Variants in PLPP3 observed in about 807,000 individuals in gnomAD.
PLPP3 encodes the protein PAP2 beta.
PLPP3 carries 6 observed loss-of-function variants against 29.6 expected under a neutral mutation model. The ratio of observed to expected loss-of-function variants is 0.20; its 90% CI spans 0.11 to 0.40. The LOEUF (loss-of-function observed/expected upper bound fraction) is 0.40. Ranked by LOEUF, PLPP3 falls within the 10% of genes least tolerant of loss-of-function variation. The pLI is 1.00. For missense variants in PLPP3, 308 were observed against 407.7 expected, an observed-to-expected ratio of 0.76 and a Z score of 2.11; for synonymous variants, 152 against 159.7, an observed-to-expected ratio of 0.95 and a Z score of 0.36.
In PLPP3 at chr1:56,524,375, C is replaced by G; in HGVS notation, c.477G>C (p.Leu159Phe). Residue 159 changes from leucine (L) to phenylalanine (F), a missense_variant, in exon 3 of 6, where the codon TTG becomes TTC. By Grantham distance (22) the Leu-to-Phe change is conservative. Coordinates refer to ENST00000371250, the MANE Select transcript of PLPP3 (RefSeq NM_003713.5). This position sits in a 1 kb window ranked among gnomAD's most constrained non-coding sequence, Gnocchi z 4.3. ...GGCTGAAATCAGGGTTGCAGACACTCAAGAAGTGAGGACGCAGGCGCCCTA... is the reference window on the plus strand; with the variant it reads ...GGCTGAAATCAGGGTTGCAGACACTGAAGAAGTGAGGACGCAGGCGCCCTA... ...VSIGRLRPHF[L>F]SVCNPDFSQI... 1.2e-6 allele frequency: 2 copies of G among 1,614,082 alleles called. No homozygotes were observed. The highest frequency in any genetic ancestry group is 1.7e-6 in the Non-Finnish European group (2 of 1,179,962).
rs556363853 is a variant in PLPP3, at chr1:56,567,460, C to T, written c.139+11418G>A. On this transcript the variant is annotated intron_variant, in intron 1 of 5. Coordinates refer to ENST00000371250, the MANE Select transcript of PLPP3 (RefSeq NM_003713.5). Reference sequence around the variant, plus strand: ...TCACCCAGGCTGGAGTGCAGTGGCGCGATCTCGGCTCACTGCAAGCTCTGC... The same window carrying T: ...TCACCCAGGCTGGAGTGCAGTGGCGTGATCTCGGCTCACTGCAAGCTCTGC... Among the ~76,000 whole-genome samples, 40 of 141,726 alleles carry T rather than the reference C, an allele frequency of 2.8e-4. 1 individual carries two copies. The highest frequency in any genetic ancestry group is 9.3e-4 in the African/African-American group (35 of 37,766). 93.0% of individuals were successfully genotyped at this position (141,726 alleles called of 152,430 possible).
At chr1:56,509,640 G>A (rs150102655) in intron 5 of PLPP3, among the ~76,000 whole-genome samples, 1,803 of 152,106 alleles carry the variant, frequency 0.012, 23 homozygotes, top group Non-Finnish European at 0.016. Context: ...AGGAGTTCAA[G>A]ACCAGCCTGG....
At chr1:56,514,346 CAGAGGCCTTCCACAGAAGTTCCCCAAAA>C (rs1645766980) in intron 4 of PLPP3, among the ~76,000 whole-genome samples, 1 of 151,990 alleles carries the variant, frequency 6.6e-6, no homozygotes, top group Non-Finnish European at 1.5e-5. Flanking sequence ...AGGGGTGGCT[CAGAGGCCTTCCACAGAAGTTCCCCAAAA>C]CTTCAAATAG....
intron 4 of PLPP3, among the ~76,000 whole-genome samples, chr1:56,518,263 C>T (rs554697615): frequency 6.6e-6 from 1 of 152,252 alleles, no homozygotes; most frequent in South Asian, 2.1e-4. Flanking sequence ...GTGGGCATAC[C>T]AGACCCTAGG....
chr1:56,525,932 A>C (rs1645849998), intron 2 of PLPP3, among the ~76,000 whole-genome samples: 1 of 152,180 alleles, frequency 6.6e-6, no homozygotes, highest in Non-Finnish European at 1.5e-5. Context: ...GAGGACGACC[A>C]CGTAGGAAGG....
At chr1:56,512,423 C>A (rs1372886528) in intron 4 of PLPP3, 8 of 326,838 alleles carry the variant, frequency 2.4e-5, no homozygotes, top group African/African-American at 1.5e-4. Context: ...ACCAGTCTGG[C>A]CAACATAGTG....
At chr1:56,552,130 A>G (rs1000441717) in intron 1 of PLPP3, among the ~76,000 whole-genome samples, 4 of 151,872 alleles carry the variant, frequency 2.6e-5, no homozygotes, top group Admixed American at 2.0e-4. Context: ...AGGCTAAGGC[A>G]TATTTTCATG....
intron 1 of PLPP3, among the ~76,000 whole-genome samples, chr1:56,551,190 T>C (rs1049616215): frequency 2.6e-5 from 4 of 152,184 alleles, no homozygotes; most frequent in African/African-American, 9.7e-5. Context: ...CAGGTATCCT[T>C]GCGCACAATG....
chr1:56,496,775 G>C (rs1278162403), intron 5 of PLPP3, 99 bp from the exon 6 acceptor site: 38 of 1,371,482 alleles, frequency 2.8e-5, no homozygotes, highest in South Asian at 4.2e-5. Flanking sequence ...TCAGGAAAAG[G>C]GGCCCCAAAT....
At chr1:56,576,616 G>C (rs1469925409) in intron 1 of PLPP3, among the ~76,000 whole-genome samples, 2 of 152,182 alleles carry the variant, frequency 1.3e-5, no homozygotes, top group Non-Finnish European at 2.9e-5. Flanking sequence ...AAGCACCCCT[G>C]AAAACAAGTA....
intron 5 of PLPP3, among the ~76,000 whole-genome samples, chr1:56,496,934 T>C (rs1319319350): frequency 1.3e-5 from 2 of 152,128 alleles, no homozygotes; most frequent in African/African-American, 4.8e-5. Flanking sequence ...GGACTCTCAG[T>C]CCATTGCCCA....
chr1:56,519,879 A>ATT (rs1645807543), intron 4 of PLPP3, among the ~76,000 whole-genome samples: 1 of 152,020 alleles, frequency 6.6e-6, no homozygotes, highest in Admixed American at 6.6e-5. Context: ...AAATTTATTC[A>ATT]TTGACCTAAC....
chr1:56,568,236 G>A (rs967860582), intron 1 of PLPP3, among the ~76,000 whole-genome samples: 3 of 152,114 alleles, frequency 2.0e-5, no homozygotes, highest in East Asian at 3.9e-4. Flanking sequence ...TTACCTAACC[G>A]TGAAGATACT....
rs921219788 is a variant in PLPP3 at position 56,579,190 on chromosome 1, G to A, written c.-174C>T. 2.6e-5 allele frequency: 19 copies of A among 740,920 alleles called. No individual in the cohort carries two copies. In the African/African-American group the frequency reaches 3.0e-4, roughly 12 times the overall value. 45.9% of individuals were successfully genotyped at this position (740,920 alleles called of 1,614,324 possible). A position where few individuals can be genotyped will look rare whatever the true frequency, so the allele number is the denominator to read the frequency against. ...CCGGGGCTGCCTGCCTCCAACTGCA[G>A]AAGGTGGTGTTTTCTGCTCCTCCTG... On this transcript the variant is annotated 5_prime_UTR_variant, in exon 1 of 6. Coordinates refer to ENST00000371250, the MANE Select transcript of PLPP3 (RefSeq NM_003713.5).
intron 4 of PLPP3, chr1:56,513,030 C>T (rs751239661): frequency 1.3e-5 from 2 of 152,110 alleles, no homozygotes; most frequent in African/African-American, 2.4e-5. Flanking sequence ...AAGAAAGCAA[C>T]TCTATCAAGG....
intron 1 of PLPP3, among the ~76,000 whole-genome samples, chr1:56,544,486 A>G (rs1645992535): frequency 6.6e-6 from 1 of 152,200 alleles, no homozygotes; most frequent in South Asian, 2.1e-4. Flanking sequence ...AATAAGGGAG[A>G]GTAAGTATAC....
chr1:56,511,488 G>C (rs1369809874), intron 5 of PLPP3, among the ~76,000 whole-genome samples: 1 of 152,130 alleles, frequency 6.6e-6, no homozygotes, highest in Non-Finnish European at 1.5e-5. Context: ...AGAGGGAAGA[G>C]GAGGCATTTT....
At chr1:56,526,133 T>C (rs747556227) in intron 2 of PLPP3, among the ~76,000 whole-genome samples, 2 of 152,206 alleles carry the variant, frequency 1.3e-5, no homozygotes, top group Admixed American at 1.3e-4. Flanking sequence ...GCCAGCATCT[T>C]GGCATAGCCG....
At chr1:56,541,898 C>A (rs35281924) in intron 1 of PLPP3, among the ~76,000 whole-genome samples, 1 of 149,478 alleles carries the variant, frequency 6.7e-6, no homozygotes, top group South Asian at 2.1e-4. Context: ...AAACTCTGAA[C>A]GCAATAGCCT....
Sources: gnomAD v4.1 joint callset for allele counts (sites outside exome capture counted in the v4.1 genomes callset) on GRCh38, gnomAD v4.1.1 for gene constraint, Gnocchi (gnomAD v3.1) non-coding constraint, MANE v1.5 for transcripts, NCBI Gene and HGNC (gene_info 2026-07-23, HGNC 2026-07-21) for gene names.